Variants in SGCZ observed in about 807,000 individuals in gnomAD.
The protein encoded by SGCZ is sarcoglycan zeta, also known as zeta-sarcoglycan.
In SGCZ, 40 loss-of-function variants were observed where a neutral mutation model predicts 41.3. The observed-to-expected ratio is 0.97, with a 90% CI of 0.75 to 1.26. The LOEUF is 1.26. Ranked by LOEUF, SGCZ falls within the 50% of genes most tolerant of loss-of-function variation. The probability of loss-of-function intolerance (pLI) is 0.00; values close to 1 mark genes in which losing one functional copy is unlikely to be tolerated. For missense variants in SGCZ, 552 were observed against 369.8 expected, an observed-to-expected ratio of 1.49 and a Z score of -4.04; for synonymous variants, 206 against 137.5, an observed-to-expected ratio of 1.50 and a Z score of -3.49.
chr8:14,796,617 A>T (rs1801139830), intron 1 of SGCZ, among the ~76,000 whole-genome samples: 1 of 152,156 alleles, frequency 6.6e-6, no homozygotes, highest in Non-Finnish European at 1.5e-5. Flanking sequence ...TGGTACCTTA[A>T]ACCACTCAGC....
chr8:14,993,186 C>G (rs1357276208), intron 1 of SGCZ, among the ~76,000 whole-genome samples: 1 of 152,158 alleles, frequency 6.6e-6, no homozygotes, highest in Non-Finnish European at 1.5e-5. Flanking sequence ...GTCTGACAGC[C>G]CTTTAACTCA....
intron 2 of SGCZ, among the ~76,000 whole-genome samples, chr8:14,462,831 T>A (rs1383845303): frequency 6.6e-6 from 1 of 151,812 alleles, no homozygotes; most frequent in Non-Finnish European, 1.5e-5. Flanking sequence ...CTTAACAATA[T>A]TAAACCTTCC....
intron 4 of SGCZ, among the ~76,000 whole-genome samples, chr8:14,203,375 C>T (rs1338174145): frequency 6.6e-6 from 1 of 152,096 alleles, no homozygotes; most frequent in Non-Finnish European, 1.5e-5. Flanking sequence ...TAAAGATAAG[C>T]TAATTATTTA....
At chr8:14,986,892 C>G (rs1434931447) in intron 1 of SGCZ, among the ~76,000 whole-genome samples, 2 of 151,818 alleles carry the variant, frequency 1.3e-5, no homozygotes, top group African/African-American at 4.8e-5. Flanking sequence ...GTTATAAATA[C>G]TCAGTAAGGA....
intron 2 of SGCZ, among the ~76,000 whole-genome samples, chr8:14,478,106 G>A (rs1039199091): frequency 6.6e-6 from 1 of 152,206 alleles, no homozygotes; most frequent in Non-Finnish European, 1.5e-5. Context: ...AAATGAAAAT[G>A]TTACATCACT....
chr8:14,226,540 T>G (rs776728271), intron 4 of SGCZ, among the ~76,000 whole-genome samples: 1 of 152,130 alleles, frequency 6.6e-6, no homozygotes, highest in Non-Finnish European at 1.5e-5. Flanking sequence ...AATAGCTTTT[T>G]TAAAAAATTG....
In SGCZ at chr8:15,140,663, G is replaced by C. The variant is rs956854793; in HGVS notation, c.39+96922C>G. Among the ~76,000 whole-genome samples the C allele has an allele frequency of 2.0e-5, 3 of 151,926 alleles. No individual in the cohort carries two copies. In the East Asian group the frequency reaches 5.8e-4, roughly 29 times the overall value. On this transcript the variant is annotated intron_variant, in intron 1 of 7. Coordinates refer to ENST00000382080, the MANE Select transcript of SGCZ (RefSeq NM_139167.4). ...ATTTTATATTTACTTTTTTGTGTAA[G>C]TAATCACATACTGTATTTCCCCTGT...
At chr8:14,615,156 T>C (rs1806058396) in intron 1 of SGCZ, among the ~76,000 whole-genome samples, 1 of 152,222 alleles carries the variant, frequency 6.6e-6, no homozygotes, top group Non-Finnish European at 1.5e-5. Context: ...GGACACTTTC[T>C]CCCATAAACT....
chr8:14,695,918 A>G (rs1264818614), intron 1 of SGCZ, among the ~76,000 whole-genome samples: 1 of 152,112 alleles, frequency 6.6e-6, no homozygotes, highest in African/African-American at 2.4e-5. Context: ...AAATCTGTGC[A>G]ACCAAGATAA....
At chr8:14,553,308 A>C (rs1803929838) in intron 2 of SGCZ, among the ~76,000 whole-genome samples, 1 of 152,072 alleles carries the variant, frequency 6.6e-6, no homozygotes, top group Admixed American at 6.6e-5. Context: ...GAATCTCATA[A>C]GGGAGAATGT....
chr8:14,989,355 G>A (rs779977368), intron 1 of SGCZ, among the ~76,000 whole-genome samples: 1 of 152,084 alleles, frequency 6.6e-6, no homozygotes, highest in Non-Finnish European at 1.5e-5. Flanking sequence ...GCGTGGTGGT[G>A]TATGCCTATA....
At chr8:14,970,716 C>A (rs1419058071) in intron 1 of SGCZ, among the ~76,000 whole-genome samples, 1 of 152,068 alleles carries the variant, frequency 6.6e-6, no homozygotes, top group Non-Finnish European at 1.5e-5. Context: ...CTTTATGAGT[C>A]TTGATATCAG....
rs377426002 is a variant in SGCZ at position 14,201,426 on chromosome 8, A to G, written c.424+36166T>C. On this transcript the variant is annotated intron_variant, in intron 4 of 7. Transcript: ENST00000382080. The stretch of plus-strand genomic sequence containing the variant: ...TAGAGAAACTGTGGTACATCCATGC[A>G]ACAGAATACTCCTTAGTAATAAAAA... Among the ~76,000 whole-genome samples the G allele has an allele frequency of 3.1e-3, 469 of 152,278 alleles. 2 individuals carry two copies. Among genetic ancestry groups the G allele is most frequent in the African/African-American group, 9.9e-3 (411 of 41,556 alleles).
At chr8:15,190,108 T>C (rs1043042579) in intron 1 of SGCZ, among the ~76,000 whole-genome samples, 6 of 152,128 alleles carry the variant, frequency 3.9e-5, no homozygotes, top group African/African-American at 1.4e-4. Flanking sequence ...AAACCCATGG[T>C]TTGATGTCTG....
chr8:14,836,685 G>C (rs375291408), intron 1 of SGCZ, among the ~76,000 whole-genome samples: 3 of 152,070 alleles, frequency 2.0e-5, no homozygotes, highest in South Asian at 2.1e-4. Context: ...ATTTTTAGTA[G>C]AGACACGGTT....
intron 3 of SGCZ, among the ~76,000 whole-genome samples, chr8:14,285,435 G>A (rs992373325): frequency 6.6e-5 from 10 of 152,018 alleles, no homozygotes; most frequent in African/African-American, 2.2e-4. Flanking sequence ...CTTTCGAACT[G>A]GATCCAGAAA....
At chr8:14,214,048 C>G (rs1269424829) in intron 4 of SGCZ, among the ~76,000 whole-genome samples, 5 of 152,028 alleles carry the variant, frequency 3.3e-5, no homozygotes, top group Non-Finnish European at 7.4e-5. Context: ...AGTGACTTTA[C>G]AGTGGAGAAA....
chr8:14,609,340 A>T (rs951050245), intron 1 of SGCZ, among the ~76,000 whole-genome samples: 2 of 152,172 alleles, frequency 1.3e-5, no homozygotes, highest in African/African-American at 2.4e-5. Flanking sequence ...TCTGTGGAAA[A>T]TTACCTTGGA....
intron 1 of SGCZ, among the ~76,000 whole-genome samples, chr8:15,082,579 T>C (rs1015869144): frequency 2.6e-5 from 4 of 152,072 alleles, no homozygotes; most frequent in Non-Finnish European, 5.9e-5. Context: ...TTTTCATTCT[T>C]GTACACTGGG....
Sources: gnomAD v4.1 joint callset for allele counts (sites outside exome capture counted in the v4.1 genomes callset) on GRCh38, gnomAD v4.1.1 for gene constraint, MANE v1.5 for transcripts, NCBI Gene and HGNC (gene_info 2026-07-23, HGNC 2026-07-21) for gene names.